The following ANKRD26 variants were observed in gnomAD, a reference collection of about 807,000 sequenced individuals.
ANKRD26 encodes the protein ankyrin repeat domain-containing protein 26.
Under a neutral mutation model 208.7 loss-of-function variants are expected in ANKRD26, and 141 were observed. The ratio of observed to expected loss-of-function variants is 0.68; its 90% CI spans 0.59 to 0.78. The LOEUF (loss-of-function observed/expected upper bound fraction) is 0.78, where lower values mean the gene tolerates loss of function less well. ANKRD26 is among the 30% of genes least tolerant of loss of function. The pLI is 0.00. For missense variants in ANKRD26, 1,889 were observed against 1,938.7 expected, an observed-to-expected ratio of 0.97 and a Z score of 0.48; for synonymous variants, 636 against 660.4, an observed-to-expected ratio of 0.96 and a Z score of 0.57.
the ANKRD26 span, among the ~76,000 whole-genome samples, chr10:26,951,962 A>G: frequency 6.3e-3 from 546 of 86,162 alleles, no homozygotes; most frequent in Middle Eastern, 0.014. Context: ...CTTCTTTCTC[A>G]TCTCTTCATC....
chr10:27,091,498 T>A (rs1450257697), intron 4 of ANKRD26, among the ~76,000 whole-genome samples: 1 of 152,088 alleles, frequency 6.6e-6, no homozygotes, highest in South Asian at 2.1e-4. Context: ...ATAATGAAAC[T>A]ATAGTATCTG....
intron 5 of ANKRD26, among the ~76,000 whole-genome samples, chr10:26,993,185 C>G (rs1165780639): frequency 6.6e-6 from 1 of 152,194 alleles, no homozygotes; most frequent in East Asian, 1.9e-4. Context: ...TTGGCAGGGT[C>G]TGAATTACTC....
At chr10:27,031,723 T>C (rs2053869630) in intron 25 of ANKRD26, among the ~76,000 whole-genome samples, 1 of 152,226 alleles carries the variant, frequency 6.6e-6, no homozygotes, top group Admixed American at 6.5e-5. Context: ...ATAATGTTCT[T>C]TAAAAATCCA....
intron 16 of ANKRD26, 60 bp from the exon 17 acceptor site, chr10:27,049,039 G>A: frequency 1.4e-6 from 2 of 1,390,292 alleles, no homozygotes. Context: ...TAATTTCTTT[G>A]TTTTCATTGA....
chr10:26,974,630 G>A lies in ANKRD26; in HGVS notation c.*1694C>T, dbSNP rs146374996. Among the ~76,000 whole-genome samples, 100 of 152,264 alleles carry A rather than the reference G, an allele frequency of 6.6e-4. 2 individuals carry two copies. Among genetic ancestry groups the A allele is most frequent in the Non-Finnish European group, 1.0e-3 (69 of 68,018 alleles). On this transcript the variant is annotated 3_prime_UTR_variant and NMD_transcript_variant, in exon 6 of 6. Coordinates refer to the ANKRD26 transcript ENST00000674670. ...GCTGCGATTACAGGCGGGAGCCACC[G>A]TGCCCGGCCTACCTCTGCATGTTTA...
rs192705550 is a variant in ANKRD26 at position 27,028,679 on chromosome 10, G to A, written c.3972+173C>T. Among the ~76,000 whole-genome samples the A allele has an allele frequency of 1.6e-4, 24 of 151,506 alleles. No individual in the cohort carries two copies. The East Asian group carries it at 4.6e-3, about 29-fold the overall frequency. ...ATCAATGAATTTCATGTTAGGCTTG[G>A]GTCCTGTCTCCAAGATATCTCATTA... On this transcript the variant is annotated intron_variant, in intron 27 of 33. Coordinates refer to ENST00000376087, the MANE Select transcript of ANKRD26 (RefSeq NM_014915.3).
intron 6 of ANKRD26, among the ~76,000 whole-genome samples, chr10:27,082,077 G>T (rs61848961): frequency 5.7e-5 from 1 of 17,694 alleles, no homozygotes; most frequent in Admixed American, 6.3e-4. Context: ...AAAAAAAAGG[G>T]AGAGAGAGAA....
At chr10:26,992,032 T>C (rs2052495676) in intron 5 of ANKRD26, 1 of 152,214 alleles carries the variant, frequency 6.6e-6, no homozygotes, top group Non-Finnish European at 1.5e-5. Flanking sequence ...TCAATTTACA[T>C]TGCCAGAGTG....
chr10:27,053,577 T>C (rs1019215555), intron 15 of ANKRD26, among the ~76,000 whole-genome samples, 187 bp from the exon 16 acceptor site: 1 of 152,138 alleles, frequency 6.6e-6, no homozygotes, highest in African/African-American at 2.4e-5. Context: ...AATCACAAAG[T>C]TTCAATGAAG....
chr10:26,960,164 G>A, the ANKRD26 span, among the ~76,000 whole-genome samples: 1 of 152,034 alleles, frequency 6.6e-6, no homozygotes. Flanking sequence ...AAAAAAAGGG[G>A]GGGTAGTGTC....
chr10:27,081,903 A>C (rs1252294410), intron 6 of ANKRD26, among the ~76,000 whole-genome samples: 4 of 151,954 alleles, frequency 2.6e-5, no homozygotes, highest in Non-Finnish European at 2.9e-5. Flanking sequence ...CGCCTGGCTA[A>C]TTCTTTGTAT....
At chr10:26,947,783 T>G in the ANKRD26 span, among the ~76,000 whole-genome samples, 1 of 152,186 alleles carries the variant, frequency 6.6e-6, no homozygotes, top group South Asian at 2.1e-4. Context: ...TAAAGGGATC[T>G]TAAAATGATG....
intron 9 of ANKRD26, among the ~76,000 whole-genome samples, chr10:27,069,269 T>C (rs900373402): frequency 2.0e-5 from 3 of 147,878 alleles, no homozygotes; most frequent in Non-Finnish European, 3.0e-5. Flanking sequence ...ACTTGGTGAG[T>C]GACTGGATTC....
chr10:27,062,165 C>A (rs2055080510), intron 12 of ANKRD26: 2 of 984,548 alleles, frequency 2.0e-6, no homozygotes, highest in African/African-American at 3.5e-5. Context: ...ATTCTATATT[C>A]TTTTTATGGA....
At chr10:27,066,234 C>CCTTTT (rs1032324596) in intron 11 of ANKRD26, 1 of 296,748 alleles carries the variant, frequency 3.4e-6, no homozygotes, top group Non-Finnish European at 6.1e-6. Flanking sequence ...GACTTCTAAG[C>CCTTTT]CTTTTCTTTT....
In ANKRD26 at chr10:27,034,873, T is replaced by G; in HGVS notation, c.3577A>C (p.Asn1193His). 1.2e-6 allele frequency: 2 copies of G among 1,613,520 alleles called. No homozygotes were observed. The highest frequency in any genetic ancestry group is 1.7e-6 in the Non-Finnish European group (2 of 1,179,850). The change falls in exon 24 of 34, where the codon AAT (asparagine) becomes CAT (histidine). Residue 1193 changes from asparagine to histidine, a missense_variant. Physicochemically the swap from Asn to His is moderately conservative, Grantham distance 68. This residue lies in a region of ANKRD26 where 613 missense variants were observed against 648.2 expected (regional missense o/e 0.95). Coordinates refer to ENST00000376087, the MANE Select transcript of ANKRD26 (RefSeq NM_014915.3). Reference sequence around the variant, plus strand: ...TTACATTCACTGATTAACTCCTTATTTCTTTCTTCTAGCAGAAGACTTTGC... The same window carrying G: ...TTACATTCACTGATTAACTCCTTATGTCTTTCTTCTAGCAGAAGACTTTGC... ...EKQSLLLEER[N>H]KELISECNHL...
intron 15 of ANKRD26, among the ~76,000 whole-genome samples, chr10:27,058,524 A>G (rs1019650021): frequency 9.2e-5 from 14 of 151,978 alleles, no homozygotes; most frequent in Non-Finnish European, 1.6e-4. Context: ...CCACTTAAAA[A>G]TCACTTTTCT....
At position 27,004,697 on chromosome 10, in the gene ANKRD26, A is replaced by G. The variant is rs1221818907; in HGVS notation, c.*893T>C. On this transcript the variant is annotated 3_prime_UTR_variant, in exon 34 of 34. Coordinates refer to ENST00000376087, the MANE Select transcript of ANKRD26 (RefSeq NM_014915.3). ...AAACCCAATTGAGGGACATTCTTAT[A>G]TTACCAGACTTTACTCTTCAAAATA... is the stretch of plus-strand genomic sequence containing the variant. The G allele has an allele frequency of 6.6e-6, 1 of 152,192 alleles. No individual in the cohort carries two copies. Among genetic ancestry groups the G allele is most frequent in the Non-Finnish European group, 1.5e-5 (1 of 68,030 alleles). The allele number at this position is 152,192 out of a possible 1,614,324, so 9.4% of individuals were successfully genotyped here. A position where few individuals can be genotyped will look rare whatever the true frequency, so the allele number is the denominator to read the frequency against.
At chr10:26,974,935 C>G (rs1261929055) in exon 6 of ANKRD26, among the ~76,000 whole-genome samples, 1 of 152,060 alleles carries the variant, frequency 6.6e-6, no homozygotes, top group Non-Finnish European at 1.5e-5. Flanking sequence ...TTATTAGAAT[C>G]TCTTTTTCTT....
Sources: gnomAD v4.1 joint callset for allele counts (sites outside exome capture counted in the v4.1 genomes callset) on GRCh38, gnomAD v4.1.1 for gene constraint, gnomAD v4.1.1 regional missense constraint, MANE v1.5 for transcripts, NCBI Gene and HGNC (gene_info 2026-07-23, HGNC 2026-07-21) for gene names.